The following KIAA1549 variants were observed in gnomAD, a reference collection of about 807,000 sequenced individuals.
KIAA1549 encodes the protein KIAA1549, also known as UPF0606 protein KIAA1549.
A neutral mutation model predicts 156.4 loss-of-function variants in KIAA1549; 70 were observed. That is an observed-to-expected ratio of 0.45 (90% CI 0.37 to 0.55). The LOEUF (loss-of-function observed/expected upper bound fraction) is 0.55, where lower values mean the gene tolerates loss of function less well. Among genes scored for constraint, KIAA1549 ranks in the 20% least tolerant of loss-of-function variants. The pLI, the probability that KIAA1549 is intolerant of heterozygous loss-of-function variation, is 0.00. For synonymous variants in KIAA1549, 1,103 were observed against 1,066.4 expected (o/e 1.03, Z -0.67); for missense variants, 2,428 against 2,540.9 (o/e 0.96, Z 0.96).
In KIAA1549 at chr7:138,868,508, A is replaced by C. The variant is rs550498572; in HGVS notation, c.4776-380T>G. 9.5e-4 allele frequency among the ~76,000 whole-genome samples: 145 copies of C among 152,068 alleles called. 1 individual carries two copies. Among genetic ancestry groups the C allele is most frequent in the African/African-American group, 3.4e-3 (143 of 41,460 alleles). On this transcript the variant is annotated intron_variant, in intron 14 of 19. Transcript: ENST00000422774. ...AATGGCGTGATCTCGGCTCACTGCA[A>C]CCTCCACTTCCCAGGTTGAAACAAT...
At chr7:138,858,759 G>C (rs185080261) in intron 16 of KIAA1549, among the ~76,000 whole-genome samples, 93 of 152,214 alleles carry the variant, frequency 6.1e-4, no homozygotes, top group Non-Finnish European at 1.0e-3. Flanking sequence ...AGAAACTCCA[G>C]CACTTTGGGA....
chr7:138,890,882 C>T (rs1435726127), intron 10 of KIAA1549, among the ~76,000 whole-genome samples: 1 of 152,230 alleles, frequency 6.6e-6, no homozygotes, highest in Non-Finnish European at 1.5e-5. Context: ...CCTGAAAACC[C>T]CCCAGGGCCT....
At position 138,903,834 on chromosome 7, in the gene KIAA1549, TGTGTGTGTGTGTGTGTGTGCGCGCGC is replaced by T. The variant is rs1299491831; in HGVS notation, c.3521-124_3521-99del. 5.5e-5 allele frequency: 26 copies of T among 471,030 alleles called. 1 individual carries two copies. In the African/African-American group the frequency reaches 1.5e-3, roughly 27 times the overall value. The allele number at this position is 471,030 out of a possible 1,614,324, so 29.2% of individuals were successfully genotyped here. ...GTGTGTGTGTGTGTGTGTGTGTGTG[TGTGTGTGTGTGTGTGTGTGCGCGCGC>T]GCGCGCGCGCACATATGTATTTGAA... is the stretch of plus-strand genomic sequence containing the variant. On this transcript the variant is annotated intron_variant, in intron 7 of 19. Transcript: ENST00000422774.
In KIAA1549 at chr7:138,871,339, T is replaced by G. The variant is rs1328152631; in HGVS notation, c.4369A>C (p.Asn1457His). 3 of 1,560,522 alleles carry G rather than the reference T, an allele frequency of 1.9e-6. No homozygotes were observed. The highest frequency in any genetic ancestry group is 1.2e-5 in the South Asian group (1 of 82,434). Residue 1457 changes from asparagine (N) to histidine (H), a missense_variant, in exon 13 of 20, where the codon AAT becomes CAT. Around this residue, in one of 5 missense-constraint regions of KIAA1549, gnomAD observed 404 missense variants for 417.0 expected, o/e 0.97. Transcript: ENST00000422774. ...ATGGAGGCTGATGAGTGCTGCTCAT[T>G]TCCCGAACTGGGCAGTGGTGGCCCT... ...QSGPPLPSSG[N>H]EQHSSASIFE... is the part of the protein sequence containing the mutation.
At chr7:138,873,950 T>C (rs1248913374) in intron 12 of KIAA1549, among the ~76,000 whole-genome samples, 1 of 141,894 alleles carries the variant, frequency 7.0e-6, no homozygotes, top group Admixed American at 6.9e-5. Flanking sequence ...ATCACACATA[T>C]ATATTATATA....
Position 138,869,640 on chromosome 7 carries a change from G to A in KIAA1549, c.4673C>T (p.Thr1558Ile). ...GCGGTACACCCGGTGTCGCTCCTTAGTGTCGCCCGAGGACAGGTCGTCTAC... is the reference window on the plus strand; with the variant it reads ...GCGGTACACCCGGTGTCGCTCCTTAATGTCGCCCGAGGACAGGTCGTCTAC... ...PVVDDLSSGD[T>I]KERHRVYRRA... The change falls in exon 14 of 20, where the codon ACT becomes ATT. Residue 1558 changes from threonine to isoleucine, a missense_variant. By Grantham distance (89) the Thr-to-Ile change is moderately conservative. This residue lies in a region of KIAA1549 where 404 missense variants were observed against 417.0 expected (regional missense o/e 0.97). Transcript: ENST00000422774. 6.2e-7 allele frequency: 1 copy of A among 1,611,274 alleles called. No individual in the cohort carries two copies. The highest frequency in any genetic ancestry group is 8.5e-7 in the Non-Finnish European group (1 of 1,179,506).
intron 1 of KIAA1549, among the ~76,000 whole-genome samples, chr7:138,971,177 C>CT (rs1171123921): frequency 6.6e-6 from 1 of 152,220 alleles, no homozygotes; most frequent in Admixed American, 6.5e-5. Context: ...CCAACTTCAA[C>CT]TGGGCCCTTG....
chr7:138,887,697 A>T (rs1324923778), intron 10 of KIAA1549, among the ~76,000 whole-genome samples: 2 of 152,236 alleles, frequency 1.3e-5, no homozygotes, highest in Non-Finnish European at 2.9e-5. Flanking sequence ...ACATCAAATA[A>T]AATCACAATT....
chr7:138,848,707 G>GTT (rs1274246891), intron 17 of KIAA1549, among the ~76,000 whole-genome samples: 2 of 152,056 alleles, frequency 1.3e-5, no homozygotes, highest in Non-Finnish European at 2.9e-5. Context: ...ACGGAGAAGT[G>GTT]TTCTTTTTCT....
At position 138,907,035 on chromosome 7, in the gene KIAA1549, G is replaced by A. The variant is rs374288943; in HGVS notation, c.3344C>T (p.Ala1115Val). 5.3e-5 allele frequency: 85 copies of A among 1,613,328 alleles called. No individual in the cohort carries two copies. The highest frequency in any genetic ancestry group is 5.0e-4 in the Middle Eastern group (3 of 6,060). ...PRRGPVNIIF[A>V]VKSTQGFLNG... ...CAAAAATCCCTGTGTGCTTTTAACC[G>A]CAAAGATGATATTCACCGGGCCCCG... Residue 1115 changes from alanine (A) to valine (V), a missense_variant, in exon 6 of 20, where the codon GCG (alanine) becomes GTG (valine). Physicochemically the swap from Ala to Val is moderately conservative, Grantham distance 64 (BLOSUM62 0). Coordinates refer to ENST00000422774, the MANE Select transcript of KIAA1549 (RefSeq NM_001164665.2).
chr7:138,926,512 C>T (rs556554339), intron 1 of KIAA1549, among the ~76,000 whole-genome samples: 7 of 152,026 alleles, frequency 4.6e-5, no homozygotes, highest in East Asian at 1.9e-4. Flanking sequence ...CTCAAACTCC[C>T]GACCTCAAGT....
At position 138,899,120 on chromosome 7, in the gene KIAA1549, A is replaced by G; in HGVS notation, c.3682T>C (p.Ser1228Pro). The G allele has an allele frequency of 6.2e-7, 1 of 1,613,756 alleles. No homozygotes were observed. The highest frequency in any genetic ancestry group is 8.5e-7 in the Non-Finnish European group (1 of 1,179,718). Residue 1228 changes from serine (S) to proline (P), a missense_variant, in exon 9 of 20, where the codon TCG (serine) becomes CCG (proline). Transcript: ENST00000422774. ...GNSVVQVVNVSRLEGDDNPVQ... is the reference protein window; with the variant it reads ...GNSVVQVVNVPRLEGDDNPVQ... ...GGATTGTCATCTCCCTCCAGCCTCG[A>G]CACATTTACCACCTGAAAGATAGCA...
chr7:138,944,566 G>A (rs1486697148), intron 1 of KIAA1549, among the ~76,000 whole-genome samples: 9 of 151,924 alleles, frequency 5.9e-5, no homozygotes, highest in Admixed American at 5.9e-4. Flanking sequence ...GAAAAACACT[G>A]GAAGCAGGCG....
chr7:138,872,376 A>C (rs1206710112), intron 12 of KIAA1549, among the ~76,000 whole-genome samples: 1 of 151,270 alleles, frequency 6.6e-6, no homozygotes, highest in Non-Finnish European at 1.5e-5. Flanking sequence ...AAAAAAAAAG[A>C]AATTCAAATG....
chr7:138,837,672 C>G lies in KIAA1549; in HGVS notation c.*234G>C. The G allele has an allele frequency of 1.8e-6, 1 of 563,074 alleles. No homozygotes were observed. 34.9% of individuals were successfully genotyped at this position (563,074 alleles called of 1,614,324 possible). A position where few individuals can be genotyped will look rare whatever the true frequency, so the allele number is the denominator to read the frequency against. ...TTTGTGAAGTGCTGCTGGCTTTTGG[C>G]CAAAATACATATATTTCAACTGAAC... On this transcript the variant is annotated 3_prime_UTR_variant, in exon 20 of 20. Coordinates refer to ENST00000422774, the MANE Select transcript of KIAA1549 (RefSeq NM_001164665.2).
intron 1 of KIAA1549, among the ~76,000 whole-genome samples, chr7:138,921,662 C>A (rs939992552): frequency 6.6e-6 from 1 of 152,036 alleles, no homozygotes; most frequent in South Asian, 2.1e-4. Flanking sequence ...GTCAGGAGTT[C>A]GAGTCCAGCC....
intron 13 of KIAA1549, 60 bp from the exon 14 acceptor site, chr7:138,869,821 C>T (rs1810874541): frequency 2.7e-6 from 3 of 1,122,458 alleles, no homozygotes; most frequent in Admixed American, 4.5e-5. Flanking sequence ...TTCTGGGACA[C>T]ACACTTCGCA....
At chr7:138,942,237 T>A (rs1047885020) in intron 1 of KIAA1549, among the ~76,000 whole-genome samples, 2 of 152,156 alleles carry the variant, frequency 1.3e-5, no homozygotes, top group Non-Finnish European at 2.9e-5. Context: ...ATTATCATTC[T>A]TGAGCAGCTC....
chr7:138,842,778 A>G (rs1226435467), intron 18 of KIAA1549, among the ~76,000 whole-genome samples: 1 of 152,126 alleles, frequency 6.6e-6, no homozygotes, highest in Non-Finnish European at 1.5e-5. Context: ...CATAGGAGGC[A>G]ACTGGTAAAT....
Sources: allele counts gnomAD v4.1 joint callset (sites outside exome capture counted in the v4.1 genomes callset), GRCh38; gene constraint gnomAD v4.1.1; regional missense constraint gnomAD v4.1.1; transcripts MANE v1.5; gene names NCBI Gene and HGNC (gene_info 2026-07-23, HGNC 2026-07-21).